Variants in LIPC observed in about 807,000 individuals in gnomAD.
LIPC encodes the protein hepatic triacylglycerol lipase.
A neutral mutation model predicts 50.7 loss-of-function variants in LIPC; 44 were observed. The observed-to-expected ratio is 0.87, with a 90% CI of 0.68 to 1.11. The LOEUF (loss-of-function observed/expected upper bound fraction) is 1.11, where lower values mean the gene tolerates loss of function less well. Ranked by LOEUF, LIPC falls within the 50% of genes most tolerant of loss-of-function variation. The pLI is 0.00. For missense variants in LIPC, 697 were observed against 648.2 expected, an observed-to-expected ratio of 1.08 and a Z score of -0.82; for synonymous variants, 271 against 256.4, an observed-to-expected ratio of 1.06 and a Z score of -0.54.
At chr15:58,561,893 G>C (rs1894176049) in intron 7 of LIPC, among the ~76,000 whole-genome samples, 1 of 152,142 alleles carries the variant, frequency 6.6e-6, no homozygotes, top group African/African-American at 2.4e-5. Flanking sequence ...TCCCACCATG[G>C]CTTGAACTTT....
intron 1 of LIPC, among the ~76,000 whole-genome samples, chr15:58,441,399 T>G (rs1893505054): frequency 6.6e-6 from 1 of 152,242 alleles, no homozygotes; most frequent in South Asian, 2.1e-4. Flanking sequence ...CATACTCACT[T>G]ATAGACTTAA....
intron 6 of LIPC, among the ~76,000 whole-genome samples, chr15:58,548,864 G>A (rs562287051): frequency 1.3e-5 from 2 of 152,278 alleles, no homozygotes; most frequent in East Asian, 3.9e-4. Flanking sequence ...GATCTGCAAG[G>A]CCACACGCAG....
chr15:58,481,639 C>CT (rs1891192153), intron 1 of LIPC, among the ~76,000 whole-genome samples: 2 of 148,974 alleles, frequency 1.3e-5, no homozygotes, highest in South Asian at 4.4e-4. Context: ...CCCATCTCTT[C>CT]TAAAAAAATA....
In LIPC at chr15:58,568,852, G is replaced by A. The variant is rs1286730848; in HGVS notation, c.*25G>A. ...AGATTTAATGAAGACCCAGTGTAAAGAATAAATGAATCTTACTCCTTATCT... is the reference window on the plus strand; with the variant it reads ...AGATTTAATGAAGACCCAGTGTAAAAAATAAATGAATCTTACTCCTTATCT... On this transcript the variant is annotated 3_prime_UTR_variant, in exon 9 of 9. Transcript: ENST00000299022. The A allele has an allele frequency of 8.9e-6, 12 of 1,352,828 alleles. No individual in the cohort carries two copies. In the East Asian group the frequency reaches 2.6e-4, roughly 30 times the overall value. 83.8% of individuals were successfully genotyped at this position (1,352,828 alleles called of 1,614,324 possible). A position where few individuals can be genotyped will look rare whatever the true frequency, so the allele number is the denominator to read the frequency against.
At chr15:58,455,822 T>C (rs1182312001) in intron 1 of LIPC, among the ~76,000 whole-genome samples, 1 of 152,122 alleles carries the variant, frequency 6.6e-6, no homozygotes, top group Non-Finnish European at 1.5e-5. Flanking sequence ...AATATATGCA[T>C]GTATGCGTGT....
intron 2 of LIPC, 45 bp downstream of exon 2, chr15:58,538,562 T>A (rs771759764): frequency 1.3e-6 from 2 of 1,579,194 alleles, no homozygotes; most frequent in East Asian, 4.5e-5. Context: ...TTTCACATTT[T>A]CTTTTTTTCT....
At chr15:58,464,146 C>G (rs1169637552) in intron 1 of LIPC, among the ~76,000 whole-genome samples, 1 of 152,172 alleles carries the variant, frequency 6.6e-6, no homozygotes, top group African/African-American at 2.4e-5. Flanking sequence ...ATGCACCTGT[C>G]ACCCTCCCAA....
At chr15:58,441,336 T>C (rs1246896399) in intron 1 of LIPC, among the ~76,000 whole-genome samples, 11 of 152,244 alleles carry the variant, frequency 7.2e-5, no homozygotes, top group East Asian at 3.8e-4. Context: ...ATCTTCCATC[T>C]TAAAAATATC....
intron 1 of LIPC, among the ~76,000 whole-genome samples, chr15:58,447,587 C>T (rs1167109280): frequency 6.6e-6 from 1 of 152,224 alleles, no homozygotes; most frequent in Non-Finnish European, 1.5e-5. Context: ...CCACAATGCT[C>T]AGGACCTCAA....
intron 1 of LIPC, among the ~76,000 whole-genome samples, chr15:58,458,068 G>T: frequency 6.6e-6 from 1 of 152,060 alleles, no homozygotes; most frequent in Non-Finnish European, 1.5e-5. Context: ...AAAATTAAAT[G>T]GCAAAAGTCC....
intron 1 of LIPC, chr15:58,521,973 T>G (rs1892670900): frequency 6.6e-6 from 1 of 152,060 alleles, no homozygotes; most frequent in Non-Finnish European, 1.5e-5. Flanking sequence ...CGGGAGGTTG[T>G]GAAGAACAAT....
Position 58,538,469 on chromosome 15 carries a change from C to A in LIPC, c.225C>A (p.Cys75Ter). The A allele has an allele frequency of 6.8e-6, 11 of 1,614,144 alleles. No homozygotes were observed. The highest frequency in any genetic ancestry group is 1.6e-4 in the Middle Eastern group (1 of 6,062). The change falls in exon 2 of 9, where the codon TGC becomes TGA. Residue 75 changes from cysteine to a stop codon, truncating the protein, a stop_gained. Transcript: ENST00000299022. LOFTEE classifies it high-confidence loss of function. ...ATCATCCGGACACGTTACAGGAGTG[C>A]GGCTTCAACTCCTCCCTGCCTCTGG... ...RINHPDTLQE[C>*]GFNSSLPLVM...
intron 1 of LIPC, among the ~76,000 whole-genome samples, chr15:58,524,918 T>C (rs1264149490): frequency 3.9e-5 from 6 of 152,206 alleles, no homozygotes; most frequent in Non-Finnish European, 5.9e-5. Flanking sequence ...CAGAAGTTTT[T>C]TGTTTGCTTT....
intron 6 of LIPC, among the ~76,000 whole-genome samples, chr15:58,558,941 C>G (rs1357756774): frequency 2.6e-5 from 4 of 152,180 alleles, no homozygotes; most frequent in Admixed American, 2.6e-4. Flanking sequence ...GATATCCCCA[C>G]TCACATGAGC....
chr15:58,550,201 A>G (rs1239425145), intron 6 of LIPC, among the ~76,000 whole-genome samples: 1 of 152,158 alleles, frequency 6.6e-6, no homozygotes. Flanking sequence ...TGGTCTGTTT[A>G]TGGGGATAAG....
intron 1 of LIPC, among the ~76,000 whole-genome samples, chr15:58,449,731 G>A (rs1180328280): frequency 4.6e-5 from 7 of 152,124 alleles, no homozygotes; most frequent in African/African-American, 1.7e-4. Flanking sequence ...ATAGAGACAG[G>A]GTTTCGCCAT....
intron 1 of LIPC, among the ~76,000 whole-genome samples, chr15:58,448,531 G>A (rs573180138): frequency 1.1e-3 from 165 of 152,336 alleles, no homozygotes; most frequent in African/African-American, 3.9e-3. Flanking sequence ...AAAACAGACC[G>A]CAGGTGCCCT....
At chr15:58,432,428 G>A (rs546284164) in intron 1 of LIPC, 7 of 392,028 alleles carry the variant, frequency 1.8e-5, no homozygotes, top group African/African-American at 4.1e-5. Context: ...ATATGAAAGC[G>A]ATTCAGATCT....
At chr15:58,533,863 T>G (rs1351829900) in intron 1 of LIPC, among the ~76,000 whole-genome samples, 2 of 152,178 alleles carry the variant, frequency 1.3e-5, no homozygotes, top group African/African-American at 2.4e-5. Flanking sequence ...TCAGCATACA[T>G]ACAATGAGCA....
Sources: allele counts gnomAD v4.1 joint callset (sites outside exome capture counted in the v4.1 genomes callset), GRCh38; gene constraint gnomAD v4.1.1; transcripts MANE v1.5; gene names NCBI Gene and HGNC (gene_info 2026-07-23, HGNC 2026-07-21).